Variants in CSGALNACT1 observed in about 807,000 individuals in gnomAD.
The protein encoded by CSGALNACT1 is chondroitin sulfate N-acetylgalactosaminyltransferase 1, also known as beta4GalNAcT-1.
Under a neutral mutation model 51.0 loss-of-function variants are expected in CSGALNACT1, and 52 were observed. That is an observed-to-expected ratio of 1.02 (90% confidence interval 0.82 to 1.29). The LOEUF (loss-of-function observed/expected upper bound fraction) is 1.29. Among genes scored for constraint, CSGALNACT1 ranks in the 50% most tolerant of loss-of-function variants. The pLI, the probability that CSGALNACT1 is intolerant of heterozygous loss-of-function variation, is 0.00. For missense variants in CSGALNACT1, 935 were observed against 679.2 expected (o/e 1.38, Z -4.19); for synonymous variants, 341 against 254.4 (o/e 1.34, Z -3.24).
At chr8:19,457,612 C>CAA in intron 5 of CSGALNACT1, 2 of 1,199,056 alleles carry the variant, frequency 1.7e-6, no homozygotes, top group Non-Finnish European at 2.2e-6. Context: ...GACTCCATCT[C>CAA]AAAAAAAAAG....
At chr8:19,537,677 G>C (rs1262961586) in intron 3 of CSGALNACT1, among the ~76,000 whole-genome samples, 1 of 152,118 alleles carries the variant, frequency 6.6e-6, no homozygotes, top group Non-Finnish European at 1.5e-5. Flanking sequence ...TGATCCTTCA[G>C]TTGACAAATC....
At chr8:19,565,278 C>T (rs915038366) in intron 3 of CSGALNACT1, among the ~76,000 whole-genome samples, 1 of 152,186 alleles carries the variant, frequency 6.6e-6, no homozygotes, top group African/African-American at 2.4e-5. Flanking sequence ...TTTAATCTGA[C>T]TCCCAGATTG....
rs2064578849 is a variant in CSGALNACT1, at chr8:19,745,281, C to T, written c.-297+12569G>A. ...TAACTGAAAAACCAACTATTCACCCCTTGACTTAGATACAATGATACCCAT... is the reference window on the plus strand; with the variant it reads ...TAACTGAAAAACCAACTATTCACCCTTTGACTTAGATACAATGATACCCAT... On this transcript the variant is annotated intron_variant, in intron 1 of 1. Coordinates refer to the CSGALNACT1 transcript ENST00000517494. 2.0e-5 allele frequency among the ~76,000 whole-genome samples: 3 copies of T among 152,174 alleles called. No individual in the cohort carries two copies. In the South Asian group the frequency reaches 6.2e-4, roughly 31 times the overall value.
At chr8:19,482,324 G>T (rs922918288) in intron 4 of CSGALNACT1, among the ~76,000 whole-genome samples, 3 of 152,154 alleles carry the variant, frequency 2.0e-5, no homozygotes, top group African/African-American at 7.2e-5. Context: ...CACATGCAGG[G>T]AGCAGCACTG....
chr8:19,463,009 C>T (rs1034259809), intron 4 of CSGALNACT1, among the ~76,000 whole-genome samples: 6 of 152,176 alleles, frequency 3.9e-5, no homozygotes, highest in South Asian at 2.1e-4. Context: ...CAGTGTCTAA[C>T]GTTCCCTTCA....
rs187360080 is a variant in CSGALNACT1, at chr8:19,559,537, C to T, written c.-297+31623G>A. Among the ~76,000 whole-genome samples the T allele has an allele frequency of 8.1e-4, 124 of 152,176 alleles. No individual in the cohort carries two copies. The Middle Eastern group carries it at 0.017, about 21-fold the overall frequency. ...GGATTGGAAAGGAAGAAACAACTGT[C>T]GTTATTCAGAAATGATATGATATCC... On this transcript the variant is annotated intron_variant, in intron 3 of 9. Transcript: ENST00000454498.
exon 4 of CSGALNACT1, chr8:19,505,614 C>G (rs771997899): frequency 6.2e-7 from 1 of 1,614,140 alleles, no homozygotes. Context: ...CCGCTTCAGG[C>G]TGCTCACGTA....
At chr8:19,407,527 A>C (rs554625867) in intron 9 of CSGALNACT1, among the ~76,000 whole-genome samples, 2 of 152,160 alleles carry the variant, frequency 1.3e-5, no homozygotes, top group African/African-American at 4.8e-5. Flanking sequence ...TCGAGATCCA[A>C]GAGTCAGTAT....
intron 1 of CSGALNACT1, among the ~76,000 whole-genome samples, chr8:19,650,163 T>A (rs114923472): frequency 1.3e-5 from 2 of 152,170 alleles, no homozygotes; most frequent in Non-Finnish European, 2.9e-5. Flanking sequence ...GTTGGAGAGA[T>A]GACATTTTGA....
chr8:19,626,030 G>C (rs1040104064), intron 1 of CSGALNACT1, among the ~76,000 whole-genome samples: 1 of 152,116 alleles, frequency 6.6e-6, no homozygotes, highest in African/African-American at 2.4e-5. Context: ...TAAATTAACA[G>C]ATAATCCTAG....
chr8:19,703,585 G>C (rs1311876107), intron 1 of CSGALNACT1, among the ~76,000 whole-genome samples: 1 of 152,164 alleles, frequency 6.6e-6, no homozygotes, highest in African/African-American at 2.4e-5. Context: ...TTACCGGTGG[G>C]TGTGAGCCAC....
At chr8:19,707,618 T>G (rs1247164021) in intron 1 of CSGALNACT1, among the ~76,000 whole-genome samples, 1 of 131,802 alleles carries the variant, frequency 7.6e-6, no homozygotes, top group Non-Finnish European at 1.7e-5. Flanking sequence ...AATCACCCTC[T>G]ACAAGAGCTA....
chr8:19,727,011 C>G (rs1482368771), intron 1 of CSGALNACT1, among the ~76,000 whole-genome samples: 2 of 152,140 alleles, frequency 1.3e-5, no homozygotes, highest in Non-Finnish European at 2.9e-5. Flanking sequence ...TGAATAAACT[C>G]CAGCACTTTT....
intron 1 of CSGALNACT1, among the ~76,000 whole-genome samples, chr8:19,725,010 G>C (rs1352765919): frequency 6.6e-6 from 1 of 152,178 alleles, no homozygotes; most frequent in African/African-American, 2.4e-5. Context: ...CTTCATTGTG[G>C]CTGTCTGACT....
chr8:19,666,996 AAAGAAAGAAAGAAAGAAAGAAAGGAAGG>A lies in CSGALNACT1; in HGVS notation c.-544+15449_-544+15476del, dbSNP rs1564385706. 6.9e-4 allele frequency among the ~76,000 whole-genome samples: 13 copies of A among 18,878 alleles called. 1 individual carries two copies. The highest frequency in any genetic ancestry group is 2.1e-3 in the East Asian group (3 of 1,414). The allele number at this position is 18,878 out of a possible 152,430, so 12.4% of individuals were successfully genotyped here. On this transcript the variant is annotated intron_variant, in intron 1 of 9. Coordinates refer to the CSGALNACT1 transcript ENST00000332246. ...GAAAGAAAGAAAGAAAGAAAGAAAG[AAAGAAAGAAAGAAAGAAAGAAAGGAAGG>A]AAGGAAGGAAGGAAGGAAGAAAGAA... is the stretch of plus-strand genomic sequence containing the variant.
chr8:19,703,868 T>A (rs184318336), intron 1 of CSGALNACT1, among the ~76,000 whole-genome samples: 48 of 152,166 alleles, frequency 3.2e-4, no homozygotes, highest in African/African-American at 1.1e-3. Flanking sequence ...AAACTGCCCA[T>A]GCACTGGCTT....
intron 6 of CSGALNACT1, among the ~76,000 whole-genome samples, chr8:19,439,200 G>A (rs2060896203): frequency 6.6e-6 from 1 of 152,200 alleles, no homozygotes; most frequent in South Asian, 2.1e-4. Flanking sequence ...TGCTGCTTTT[G>A]AATACATTTA....
chr8:19,586,369 A>G (rs2046639401), intron 3 of CSGALNACT1, among the ~76,000 whole-genome samples: 1 of 151,610 alleles, frequency 6.6e-6, no homozygotes. Context: ...AGAAAACACA[A>G]ACAAAAACAC....
chr8:19,704,801 A>C (rs1352085942), intron 1 of CSGALNACT1, among the ~76,000 whole-genome samples: 1 of 152,240 alleles, frequency 6.6e-6, no homozygotes, highest in Non-Finnish European at 1.5e-5. Flanking sequence ...GATAACAAGG[A>C]TGAACCTGGA....
Sources: allele counts gnomAD v4.1 joint callset (sites outside exome capture counted in the v4.1 genomes callset), GRCh38; gene constraint gnomAD v4.1.1; transcripts MANE v1.5; gene names NCBI Gene and HGNC (gene_info 2026-07-23, HGNC 2026-07-21).